DAB1: variants seen among roughly 807,000 people sequenced by gnomAD.
DAB1 encodes DAB adaptor protein 1.
Under a neutral mutation model 64.6 loss-of-function variants are expected in DAB1, and 15 were observed. That is an observed-to-expected ratio of 0.23 (90% CI 0.16 to 0.36). The LOEUF is 0.36. Among genes scored for constraint, DAB1 ranks in the 10% least tolerant of loss-of-function variants. The probability of loss-of-function intolerance (pLI) is 1.00; values close to 1 mark genes in which losing one functional copy is unlikely to be tolerated. For synonymous variants in DAB1, 235 were observed against 251.9 expected, an observed-to-expected ratio of 0.93 and a Z score of 0.64; for missense variants, 596 against 706.7, an observed-to-expected ratio of 0.84 and a Z score of 1.78.
At chr1:57,839,890 T>C (rs1208295160) in intron 1 of DAB1, among the ~76,000 whole-genome samples, 1 of 152,170 alleles carries the variant, frequency 6.6e-6, no homozygotes, top group Non-Finnish European at 1.5e-5. Context: ...TTAAGGGGAC[T>C]TGGGTGTCAT....
chr1:57,176,718 T>C (rs1467880167), intron 2 of DAB1, among the ~76,000 whole-genome samples: 1 of 152,062 alleles, frequency 6.6e-6, no homozygotes, highest in African/African-American at 2.4e-5. Context: ...TCTAGTAAAA[T>C]CTGGATCCTT....
At chr1:57,533,481 A>C (rs901622007) in intron 7 of DAB1, among the ~76,000 whole-genome samples, 2 of 151,510 alleles carry the variant, frequency 1.3e-5, no homozygotes, top group Non-Finnish European at 2.9e-5. Context: ...AAGTGAGGTC[A>C]CTGAAACCAG....
intron 5 of DAB1, among the ~76,000 whole-genome samples, chr1:57,934,970 T>C (rs1426748222): frequency 6.6e-6 from 1 of 152,200 alleles, no homozygotes; most frequent in African/African-American, 2.4e-5. Context: ...AGGCAAGCCA[T>C]TTCTGGCTGT....
At chr1:57,249,129 T>G (rs1055001604) in intron 2 of DAB1, among the ~76,000 whole-genome samples, 1 of 152,144 alleles carries the variant, frequency 6.6e-6, no homozygotes, top group African/African-American at 2.4e-5. Flanking sequence ...TTTTTGCCAG[T>G]GAGGAACTTA....
chr1:57,157,207 T>A (rs1238296518), intron 2 of DAB1, among the ~76,000 whole-genome samples: 1 of 151,146 alleles, frequency 6.6e-6, no homozygotes, highest in Admixed American at 6.6e-5. Context: ...AAGATAAGTA[T>A]TTTTTTTTCC....
chr1:58,341,910 G>C (rs1643942136), intron 4 of DAB1, among the ~76,000 whole-genome samples: 1 of 152,070 alleles, frequency 6.6e-6, no homozygotes, highest in South Asian at 2.1e-4. Context: ...AACACAGTAG[G>C]GTCTACATAT....
chr1:58,000,780 A>G (rs1259220024), intron 5 of DAB1, among the ~76,000 whole-genome samples: 1 of 151,948 alleles, frequency 6.6e-6, no homozygotes, highest in Non-Finnish European at 1.5e-5. Flanking sequence ...CATGCTGGCC[A>G]GGCTGGTCTC....
chr1:58,328,066 T>G (rs1213639), intron 4 of DAB1, among the ~76,000 whole-genome samples: 115,041 of 152,080 alleles, frequency 0.76, 44,497 homozygotes, highest in African/African-American at 0.92. Context: ...GCCCTGATGG[T>G]CAATGCTTAC....
At chr1:57,195,106 G>A (rs1664517956) in intron 2 of DAB1, among the ~76,000 whole-genome samples, 1 of 152,110 alleles carries the variant, frequency 6.6e-6, no homozygotes, top group Non-Finnish European at 1.5e-5. Flanking sequence ...TGCCTGATTT[G>A]GGCTTCCCTA....
chr1:57,241,306 G>C (rs1360495258), intron 2 of DAB1, among the ~76,000 whole-genome samples: 1 of 152,166 alleles, frequency 6.6e-6, no homozygotes, highest in Non-Finnish European at 1.5e-5. Flanking sequence ...GAAGAACAGA[G>C]ATAAAACTGA....
At chr1:57,662,996 T>C (rs1429627679) in intron 6 of DAB1, among the ~76,000 whole-genome samples, 1 of 152,142 alleles carries the variant, frequency 6.6e-6, no homozygotes, top group Admixed American at 6.5e-5. Context: ...TTAAAGGTGG[T>C]GTATTAGTGC....
At chr1:58,176,966 G>C (rs1656516114) in intron 4 of DAB1, among the ~76,000 whole-genome samples, 1 of 148,544 alleles carries the variant, frequency 6.7e-6, no homozygotes, top group Non-Finnish European at 1.5e-5. Context: ...GTGACGGAGA[G>C]AGACTGTCTC....
At position 58,040,596 on chromosome 1, in the gene DAB1, T is replaced by C. The variant is rs1647120357; in HGVS notation, n.387+109915A>G. On this transcript the variant is annotated intron_variant and non_coding_transcript_variant, in intron 5 of 20. Coordinates refer to the DAB1 transcript ENST00000485760. ...ATTTTGACCTTATAAAACTGTGTAA[T>C]TGGTTCAGAACCTTCAGGCTAAATG... Among the ~76,000 whole-genome samples, 3 of 152,218 alleles carry C rather than the reference T, an allele frequency of 2.0e-5. No homozygotes were observed. In the South Asian group the frequency reaches 6.2e-4, roughly 32 times the overall value.
chr1:58,029,048 T>C (rs1646934970), intron 5 of DAB1, among the ~76,000 whole-genome samples: 1 of 152,158 alleles, frequency 6.6e-6, no homozygotes, highest in African/African-American at 2.4e-5. Context: ...CAGAGCATCA[T>C]ACAAACATAA....
At chr1:57,559,086 C>G (rs1477536027) in intron 7 of DAB1, among the ~76,000 whole-genome samples, 1 of 152,124 alleles carries the variant, frequency 6.6e-6, no homozygotes, top group African/African-American at 2.4e-5. Context: ...TACATTCAAC[C>G]ATCAAAGGCA....
At chr1:58,530,038 G>A (rs910889460) in intron 1 of DAB1, among the ~76,000 whole-genome samples, 1 of 151,986 alleles carries the variant, frequency 6.6e-6, no homozygotes, top group East Asian at 1.9e-4. Flanking sequence ...CCGCCACAAC[G>A]CCAGGCTAAT....
intron 14 of DAB1, among the ~76,000 whole-genome samples, chr1:57,005,146 G>C (rs1405502634): frequency 6.6e-6 from 1 of 152,082 alleles, no homozygotes; most frequent in Non-Finnish European, 1.5e-5. Context: ...GCTGAAATCC[G>C]CTTGGTGCAT....
intron 6 of DAB1, among the ~76,000 whole-genome samples, chr1:57,819,302 A>G (rs1652012830): frequency 6.6e-6 from 1 of 152,254 alleles, no homozygotes; most frequent in African/African-American, 2.4e-5. Flanking sequence ...ACAGGGGTAG[A>G]AACATCCAGA....
At chr1:57,119,769 G>A (rs1656466074) in intron 4 of DAB1, among the ~76,000 whole-genome samples, 1 of 152,036 alleles carries the variant, frequency 6.6e-6, no homozygotes, top group South Asian at 2.1e-4. Context: ...CAACCATGTG[G>A]GCGGTTCCCT....
Sources: gnomAD v4.1 joint callset for allele counts (sites outside exome capture counted in the v4.1 genomes callset) on GRCh38, gnomAD v4.1.1 for gene constraint, MANE v1.5 for transcripts, NCBI Gene and HGNC (gene_info 2026-07-23, HGNC 2026-07-21) for gene names.